ECE1: variants seen among roughly 807,000 people sequenced by gnomAD.
ECE1 encodes the protein endothelin converting enzyme 1.
Under a neutral mutation model 98.6 loss-of-function variants are expected in ECE1, and 35 were observed. The observed-to-expected ratio is 0.35, with a 90% CI of 0.27 to 0.47. ECE1 has a LOEUF of 0.47. Ranked by LOEUF, ECE1 falls within the 20% of genes least tolerant of loss-of-function variation. ECE1 has a pLI of 1.00. For synonymous variants in ECE1, 394 were observed against 407.1 expected (o/e 0.97, Z 0.39); for missense variants, 814 against 1,025.3 (o/e 0.79, Z 2.81).
In ECE1 at chr1:21,256,036, C is replaced by G. The variant is rs1313819749; in HGVS notation, c.931G>C (p.Glu311Gln). 6.2e-7 allele frequency: 1 copy of G among 1,613,638 alleles called. No homozygotes were observed. Among genetic ancestry groups the G allele is most frequent in the Non-Finnish European group, 8.5e-7 (1 of 1,179,600 alleles). Residue 311 changes from glutamate to glutamine, a missense_variant, in exon 8 of 19, where the codon GAG (glutamate) becomes CAG (glutamine). This residue lies in a region of ECE1 where 105 missense variants were observed against 179.1 expected (regional missense o/e 0.59). Coordinates refer to ENST00000374893, the MANE Select transcript of ECE1 (RefSeq NM_001397.3). ...RPQMQQILDF[E>Q]TALANITIPQ... ...ATGGTGATGTTGGCCAGTGCCGTCT[C>G]AAAGTCCAAGATCTGCTGCATCTGG...
chr1:21,302,515 C>G (rs1330860577), intron 1 of ECE1, among the ~76,000 whole-genome samples: 1 of 152,232 alleles, frequency 6.6e-6, no homozygotes, highest in Admixed American at 6.5e-5. Context: ...TACTGCATAT[C>G]AGGCCCTGAC....
chr1:21,235,268 A>G lies in ECE1; in HGVS notation c.1566+582T>C, dbSNP rs1368329326. On this transcript the variant is annotated intron_variant, in intron 13 of 18. Transcript: ENST00000374893. This position sits in a 1 kb window ranked among gnomAD's most constrained non-coding sequence, Gnocchi z 4.2. ...AACTGAGTGATTTGCCAAAAGTTCT[A>G]ATAAGCAGGGATGTATCAACCACCT... Among the ~76,000 whole-genome samples, 1 of 152,252 alleles carries G rather than the reference A, an allele frequency of 6.6e-6. No homozygotes were observed. The highest frequency in any genetic ancestry group is 1.9e-4 in the East Asian group (1 of 5,206).
intron 1 of ECE1, among the ~76,000 whole-genome samples, chr1:21,308,544 G>C (rs577148656): frequency 6.6e-6 from 1 of 152,184 alleles, no homozygotes; most frequent in East Asian, 1.9e-4. Context: ...TGGGATCAGA[G>C]ACAAGATCAA....
chr1:21,276,810 C>T (rs1437700870), intron 3 of ECE1, among the ~76,000 whole-genome samples: 3 of 151,892 alleles, frequency 2.0e-5, no homozygotes, highest in Admixed American at 1.3e-4. Context: ...CTCAACCTCT[C>T]GAGTAGCCGG....
chr1:21,336,820 G>T (rs1325659732), intron 1 of ECE1, among the ~76,000 whole-genome samples: 1 of 152,186 alleles, frequency 6.6e-6, no homozygotes, highest in African/African-American at 2.4e-5. Context: ...TCCAGCTTGG[G>T]CGACAGAGCG....
intron 1 of ECE1, among the ~76,000 whole-genome samples, chr1:21,303,656 T>C (rs1569712462): frequency 6.6e-6 from 1 of 152,132 alleles, no homozygotes; most frequent in Non-Finnish European, 1.5e-5. Flanking sequence ...TTGTTGTTGT[T>C]GTTGTTTTTT....
chr1:21,238,293 C>G, intron 10 of ECE1, 49 bp from the exon 11 acceptor site: 1 of 1,482,014 alleles, frequency 6.7e-7, no homozygotes, highest in Non-Finnish European at 9.3e-7. Context: ...CCTTTGTTTC[C>G]CAACCCCTTT....
chr1:21,278,722 ATTG>A (rs1223302905), intron 3 of ECE1, among the ~76,000 whole-genome samples: 1 of 152,154 alleles, frequency 6.6e-6, no homozygotes, highest in Admixed American at 6.5e-5. Context: ...AGAGGGCATT[ATTG>A]TTATTTTATT....
At chr1:21,274,032 G>A (rs1010026104) in intron 3 of ECE1, among the ~76,000 whole-genome samples, 2 of 152,262 alleles carry the variant, frequency 1.3e-5, no homozygotes, top group African/African-American at 4.8e-5. Context: ...TACCCAGGCT[G>A]TGCTGATGAC....
rs1218566077 is a variant in ECE1, at chr1:21,235,013, A to G, written c.1566+837T>C. Among the ~76,000 whole-genome samples, 1 of 152,188 alleles carries G rather than the reference A, an allele frequency of 6.6e-6. No homozygotes were observed. The highest frequency in any genetic ancestry group is 1.9e-4 in the East Asian group (1 of 5,186). On this transcript the variant is annotated intron_variant, in intron 13 of 18. Coordinates refer to ENST00000374893, the MANE Select transcript of ECE1 (RefSeq NM_001397.3). This position sits in a 1 kb window ranked among gnomAD's most constrained non-coding sequence, Gnocchi z 4.2. ...CTAAATATAACCATGACGAGAGGTT[A>G]TTAGATTTTTAAATGCCTGAATTCA...
At chr1:21,302,628 C>G (rs922841357) in intron 1 of ECE1, among the ~76,000 whole-genome samples, 6 of 152,128 alleles carry the variant, frequency 3.9e-5, no homozygotes, top group South Asian at 2.1e-4. Context: ...ACCACAGACC[C>G]TTTTCCCAAC....
At position 21,258,092 on chromosome 1, in the gene ECE1, A is replaced by G. The variant is rs212525; in HGVS notation, c.763-502T>C. On this transcript the variant is annotated intron_variant, in intron 6 of 18. Coordinates refer to ENST00000374893, the MANE Select transcript of ECE1 (RefSeq NM_001397.3). The surrounding 1 kb of genome is among the most constrained non-coding windows in gnomAD (Gnocchi z 4.2). Reference sequence around the variant, plus strand: ...TCAAATTCTGCTTGCTACTATTGGCACCCATGGCCACATCTTGGCATACCT... The same window carrying G: ...TCAAATTCTGCTTGCTACTATTGGCGCCCATGGCCACATCTTGGCATACCT... Among the ~76,000 whole-genome samples the G allele has an allele frequency of 0.67, 101,737 of 152,064 alleles. 34,867 individuals are homozygous for G. The highest frequency in any genetic ancestry group is 0.9 in the East Asian group (4,639 of 5,160).
chr1:21,279,812 G>C (rs1015013896), intron 2 of ECE1: 2 of 717,902 alleles, frequency 2.8e-6, no homozygotes, highest in African/African-American at 1.9e-5. Flanking sequence ...ATAATCCCAC[G>C]CAAAAACACG....
upstream of ECE1, among the ~76,000 whole-genome samples, chr1:21,295,215 T>C (rs1211850023): frequency 6.6e-6 from 1 of 152,166 alleles, no homozygotes; most frequent in Non-Finnish European, 1.5e-5. Flanking sequence ...TGAGTTAATA[T>C]AGATAAAGTG....
At position 21,225,226 on chromosome 1, in the gene ECE1, G is replaced by A. The variant is rs781221958; in HGVS notation, c.2040+24C>T. 2.0e-5 allele frequency: 32 copies of A among 1,613,280 alleles called. 1 individual carries two copies. Among genetic ancestry groups the A allele is most frequent in the Admixed American group, 6.7e-5 (4 of 60,016 alleles). ...GAAGGAGCCAGCACTGGGACCGTGC[G>A]CGTGTGGGGAGCGGGGCTCTCACCC... On this transcript the variant is annotated intron_variant, in intron 17 of 18. Transcript: ENST00000374893. This position sits in a 1 kb window ranked among gnomAD's most constrained non-coding sequence, Gnocchi z 5.3.
chr1:21,287,064 A>G (rs2098261350), intron 2 of ECE1, among the ~76,000 whole-genome samples: 2 of 152,262 alleles, frequency 1.3e-5, no homozygotes, highest in Non-Finnish European at 2.9e-5. Flanking sequence ...AAATGTGTCA[A>G]GTTTGGCTGA....
At chr1:21,309,670 CCTT>C (rs1349945561) in intron 1 of ECE1, among the ~76,000 whole-genome samples, 1 of 152,212 alleles carries the variant, frequency 6.6e-6, no homozygotes, top group African/African-American at 2.4e-5. Context: ...CCCAAGAACT[CCTT>C]CAACACATGC....
intron 5 of ECE1, among the ~76,000 whole-genome samples, chr1:21,259,712 C>T (rs555390326): frequency 7.9e-5 from 12 of 152,270 alleles, no homozygotes; most frequent in East Asian, 1.9e-4. Flanking sequence ...AAAACATCCA[C>T]AGACACCTAC....
intron 8 of ECE1, among the ~76,000 whole-genome samples, chr1:21,248,522 G>A (rs1347392969): frequency 6.6e-6 from 1 of 152,064 alleles, no homozygotes; most frequent in Non-Finnish European, 1.5e-5. Context: ...CGCGCCTGGG[G>A]CTTCCTCTCC....
Sources: allele counts gnomAD v4.1 joint callset (sites outside exome capture counted in the v4.1 genomes callset), GRCh38; gene constraint gnomAD v4.1.1; regional missense constraint gnomAD v4.1.1; non-coding constraint Gnocchi (gnomAD v3.1); transcripts MANE v1.5; gene names NCBI Gene and HGNC (gene_info 2026-07-23, HGNC 2026-07-21).